RSRC1: variants seen among roughly 807,000 people sequenced by gnomAD.
RSRC1 encodes serine/Arginine-related protein 53.
Under a neutral mutation model 49.1 loss-of-function variants are expected in RSRC1, and 39 were observed. The observed-to-expected ratio is 0.79, with a 90% CI of 0.61 to 1.04. The LOEUF is 1.04. Ranked by LOEUF, RSRC1 falls within the 50% of genes least tolerant of loss-of-function variation. The pLI is 0.00. For missense variants in RSRC1, 388 were observed against 402.4 expected, an observed-to-expected ratio of 0.96 and a Z score of 0.31; for synonymous variants, 143 against 130.8, an observed-to-expected ratio of 1.09 and a Z score of -0.63.
At chr3:158,444,834 A>T (rs1398876113) in intron 6 of RSRC1, among the ~76,000 whole-genome samples, 1 of 152,090 alleles carries the variant, frequency 6.6e-6, no homozygotes, top group Non-Finnish European at 1.5e-5. Context: ...CCATCAACAA[A>T]TGGGCGAAGG....
At chr3:158,372,321 A>G (rs992631051) in intron 6 of RSRC1, among the ~76,000 whole-genome samples, 1 of 151,884 alleles carries the variant, frequency 6.6e-6, no homozygotes, top group East Asian at 1.9e-4. Flanking sequence ...TTTAAAATTA[A>G]TGTTTATATA....
At chr3:158,427,670 C>T (rs1735525961) in intron 6 of RSRC1, among the ~76,000 whole-genome samples, 1 of 151,610 alleles carries the variant, frequency 6.6e-6, no homozygotes, top group African/African-American at 2.4e-5. Flanking sequence ...ACTGGCATTT[C>T]TTAGTGTATT....
chr3:158,237,353 C>G (rs1017926184), intron 4 of RSRC1, among the ~76,000 whole-genome samples: 4 of 152,084 alleles, frequency 2.6e-5, no homozygotes, highest in African/African-American at 9.7e-5. Context: ...TGAGTAAATA[C>G]CTAGCAGTGG....
Position 158,177,498 on chromosome 3 carries a change from T to C in RSRC1, c.321-25574T>C, listed in dbSNP as rs571797793. Among the ~76,000 whole-genome samples, 293 of 152,226 alleles carry C rather than the reference T, an allele frequency of 1.9e-3. 3 individuals carry two copies. Among genetic ancestry groups the C allele is most frequent in the Non-Finnish European group, 8.4e-4 (57 of 68,014 alleles). ...TGAGTTCATGTCCTTTGCAGGGACA[T>C]GGATGAAGCTGGAAACCATCATTCT... On this transcript the variant is annotated intron_variant, in intron 3 of 9. Coordinates refer to ENST00000611884, the MANE Select transcript of RSRC1 (RefSeq NM_001271838.2).
chr3:158,321,963 CT>C (rs1297820298), intron 5 of RSRC1, among the ~76,000 whole-genome samples: 9 of 115,572 alleles, frequency 7.8e-5, no homozygotes, highest in Admixed American at 1.0e-4. Context: ...AGAGAAGAAA[CT>C]TTTAACACCT....
At chr3:158,333,136 T>A (rs1306206114) in intron 5 of RSRC1, among the ~76,000 whole-genome samples, 1 of 152,026 alleles carries the variant, frequency 6.6e-6, no homozygotes, top group Non-Finnish European at 1.5e-5. Flanking sequence ...GCCCAGCTAA[T>A]TTTTTGTATT....
chr3:158,163,890 G>C (rs1222918182), intron 3 of RSRC1, among the ~76,000 whole-genome samples: 1 of 151,886 alleles, frequency 6.6e-6, no homozygotes, highest in Non-Finnish European at 1.5e-5. Flanking sequence ...ATAGAACGTA[G>C]AAGAATAAAT....
intron 6 of RSRC1, among the ~76,000 whole-genome samples, chr3:158,392,303 A>G (rs1733353058): frequency 6.6e-6 from 1 of 152,110 alleles, no homozygotes; most frequent in African/African-American, 2.4e-5. Flanking sequence ...TATGTGCTAA[A>G]GAGTTATTAG....
At chr3:158,254,762 A>G (rs1360619469) in intron 4 of RSRC1, among the ~76,000 whole-genome samples, 2 of 152,076 alleles carry the variant, frequency 1.3e-5, no homozygotes, top group Non-Finnish European at 1.5e-5. Context: ...TCGCCATTCT[A>G]ACTGGTGTGA....
At chr3:158,348,362 C>G (rs1049248836) in intron 5 of RSRC1, among the ~76,000 whole-genome samples, 1 of 152,092 alleles carries the variant, frequency 6.6e-6, no homozygotes, top group Non-Finnish European at 1.5e-5. Context: ...AATATACACT[C>G]ATGGGTGGCT....
At chr3:158,517,077 G>T (rs1324601585) in intron 7 of RSRC1, among the ~76,000 whole-genome samples, 3 of 152,224 alleles carry the variant, frequency 2.0e-5, no homozygotes, top group East Asian at 3.9e-4. Flanking sequence ...CACGCTGGGA[G>T]CCATAGACCA....
chr3:158,160,419 C>G (rs76528560), intron 3 of RSRC1, among the ~76,000 whole-genome samples: 3,263 of 152,142 alleles, frequency 0.021, 123 homozygotes, highest in African/African-American at 0.075. Context: ...TAGCTATTTG[C>G]TACCTTTTTT....
At chr3:158,216,834 A>G (rs982158454) in intron 4 of RSRC1, among the ~76,000 whole-genome samples, 8 of 151,712 alleles carry the variant, frequency 5.3e-5, no homozygotes, top group Admixed American at 2.0e-4. Flanking sequence ...ATTTTGAACT[A>G]AGTAAATTAA....
chr3:158,260,697 C>T (rs1490345948), intron 4 of RSRC1, among the ~76,000 whole-genome samples: 2 of 152,202 alleles, frequency 1.3e-5, no homozygotes, highest in African/African-American at 4.8e-5. Context: ...CCCCAGGCTA[C>T]TTTAGCCCAT....
intron 7 of RSRC1, among the ~76,000 whole-genome samples, chr3:158,510,744 A>G (rs1301813926): frequency 2.0e-5 from 3 of 152,190 alleles, no homozygotes; most frequent in Non-Finnish European, 2.9e-5. Context: ...AGTAGGTTTT[A>G]TTCATCCTTT....
chr3:158,221,607 G>A (rs546830356), intron 4 of RSRC1, among the ~76,000 whole-genome samples: 3 of 151,526 alleles, frequency 2.0e-5, no homozygotes, highest in East Asian at 3.9e-4. Context: ...TTTATGTTTA[G>A]TGTATTCTTC....
chr3:158,116,881 C>T (rs1009888673), intron 1 of RSRC1, among the ~76,000 whole-genome samples: 1 of 151,812 alleles, frequency 6.6e-6, no homozygotes, highest in African/African-American at 2.4e-5. Context: ...TCTGGGATGT[C>T]TTTCGTATCT....
chr3:158,143,874 T>C (rs2108200418), intron 3 of RSRC1, among the ~76,000 whole-genome samples: 1 of 152,314 alleles, frequency 6.6e-6, no homozygotes, highest in Middle Eastern at 3.4e-3. Flanking sequence ...TCATTAATGG[T>C]AAATGTCTGC....
chr3:158,514,739 T>C (rs1740405405), intron 7 of RSRC1, among the ~76,000 whole-genome samples: 1 of 152,076 alleles, frequency 6.6e-6, no homozygotes. Context: ...CCATTATTAA[T>C]GTGTGGGAGT....
Sources: gnomAD v4.1 joint callset for allele counts (sites outside exome capture counted in the v4.1 genomes callset) on GRCh38, gnomAD v4.1.1 for gene constraint, MANE v1.5 for transcripts, NCBI Gene and HGNC (gene_info 2026-07-23, HGNC 2026-07-21) for gene names.